Variants in GALNT18 observed in about 807,000 individuals in gnomAD.
The protein encoded by GALNT18 is GalNAc-transferase 18.
Under a neutral mutation model 69.5 loss-of-function variants are expected in GALNT18, and 44 were observed. The ratio of observed to expected loss-of-function variants is 0.63; its 90% CI spans 0.50 to 0.81. The LOEUF is 0.81. Ranked by LOEUF, GALNT18 falls within the 40% of genes least tolerant of loss-of-function variation. The pLI is 0.00. For synonymous variants in GALNT18, 364 were observed against 318.2 expected, an observed-to-expected ratio of 1.14 and a Z score of -1.53; for missense variants, 715 against 810.0, an observed-to-expected ratio of 0.88 and a Z score of 1.42.
Position 11,598,745 on chromosome 11 carries a change from C to T in GALNT18, c.235+22614G>A, listed in dbSNP as rs552135805. Among the ~76,000 whole-genome samples, 1 of 152,174 alleles carries T rather than the reference C, an allele frequency of 6.6e-6. No homozygotes were observed. Among genetic ancestry groups the T allele is most frequent in the Non-Finnish European group, 1.5e-5 (1 of 67,994 alleles). ...TAGACATTTATAGTTATACATTTCC[C>T]TTTAAATACTACTTTATCTGCATAA... On this transcript the variant is annotated intron_variant, in intron 1 of 10. Coordinates refer to ENST00000227756, the MANE Select transcript of GALNT18 (RefSeq NM_198516.3). The surrounding 1 kb of genome is among the most constrained non-coding windows in gnomAD (Gnocchi z 4.8).
chr11:11,621,454 G>T lies in GALNT18; in HGVS notation c.140C>A (p.Ala47Glu), dbSNP rs779138760. 6.2e-7 allele frequency: 1 copy of T among 1,614,122 alleles called. No homozygotes were observed. Among genetic ancestry groups the T allele is most frequent in the Non-Finnish European group, 8.5e-7 (1 of 1,180,016 alleles). Residue 47 changes from alanine (A) to glutamate (E), a missense_variant, in exon 1 of 11, where the codon GCG (alanine) becomes GAG (glutamate). By Grantham distance (107) the Ala-to-Glu change is moderately radical. Transcript: ENST00000227756. The surrounding 1 kb of genome is among the most constrained non-coding windows in gnomAD (Gnocchi z 9.3). ...ASVYVRGQEP[A>E]PDKKLEEDKG... is the part of the protein sequence containing the mutation. ...GTCTTCCTCCAGCTTCTTGTCGGGC[G>T]CCGGCTCCTGCCCCCGCACATACAC...
Position 11,421,190 on chromosome 11 carries a change from G to C in GALNT18, c.595+11431C>G, listed in dbSNP as rs918959822. 6.1e-5 allele frequency among the ~76,000 whole-genome samples: 9 copies of C among 148,378 alleles called. No individual in the cohort carries two copies. Among genetic ancestry groups the C allele is most frequent in the Non-Finnish European group, 7.4e-5 (5 of 67,706 alleles). On this transcript the variant is annotated intron_variant, in intron 3 of 10. Coordinates refer to ENST00000227756, the MANE Select transcript of GALNT18 (RefSeq NM_198516.3). The surrounding 1 kb of genome is among the most constrained non-coding windows in gnomAD (Gnocchi z 5.6). ...GCTACCCACACCACTGCCAGGCTCAGGCAGCTTCAGCGGTGCAGCATGTTG... is the reference window on the plus strand; with the variant it reads ...GCTACCCACACCACTGCCAGGCTCACGCAGCTTCAGCGGTGCAGCATGTTG...
chr11:11,438,056 C>A, intron 2 of GALNT18, among the ~76,000 whole-genome samples: 1 of 152,206 alleles, frequency 6.6e-6, no homozygotes, highest in Admixed American at 6.5e-5. Flanking sequence ...GGGACATACA[C>A]CCAGGGAGAG....
At chr11:11,508,126 A>G (rs1281461684) in intron 1 of GALNT18, among the ~76,000 whole-genome samples, 1 of 152,230 alleles carries the variant, frequency 6.6e-6, no homozygotes, top group African/African-American at 2.4e-5. Flanking sequence ...TGTCCTTTAT[A>G]GCTCTTTGTT....
chr11:11,453,733 C>T (rs576077072), intron 1 of GALNT18, among the ~76,000 whole-genome samples: 59 of 152,300 alleles, frequency 3.9e-4, no homozygotes, highest in Admixed American at 1.1e-3. Flanking sequence ...TCCCTGCACA[C>T]GCTCTCTTCC....
At chr11:11,466,649 G>T (rs901887735) in intron 1 of GALNT18, among the ~76,000 whole-genome samples, 2 of 152,186 alleles carry the variant, frequency 1.3e-5, no homozygotes, top group Admixed American at 1.3e-4. Context: ...ACCCTTTAAA[G>T]AAAGGGTCTG....
intron 3 of GALNT18, among the ~76,000 whole-genome samples, chr11:11,395,234 G>A (rs527933330): frequency 6.6e-6 from 1 of 152,296 alleles, no homozygotes; most frequent in African/African-American, 2.4e-5. Context: ...TTACAATGCT[G>A]CTGGCCCAAG....
chr11:11,292,939 C>A (rs1198137548), intron 10 of GALNT18, 90 bp downstream of exon 10: 1 of 1,205,192 alleles, frequency 8.3e-7, no homozygotes, highest in African/African-American at 1.6e-5. Context: ...CTTCCCCTTC[C>A]CCTCTCCTCC....
At chr11:11,478,268 A>G (rs1856444943) in intron 1 of GALNT18, among the ~76,000 whole-genome samples, 1 of 152,238 alleles carries the variant, frequency 6.6e-6, no homozygotes. Flanking sequence ...TTCAACCTAG[A>G]GTTCTAAAGC....
intron 10 of GALNT18, among the ~76,000 whole-genome samples, chr11:11,273,720 A>G (rs1437449853): frequency 1.3e-5 from 2 of 152,230 alleles, no homozygotes; most frequent in African/African-American, 4.8e-5. Context: ...GGAAACCAGC[A>G]TATTGAAGAG....
At chr11:11,355,502 T>C (rs1850511767) in intron 6 of GALNT18, among the ~76,000 whole-genome samples, 1 of 152,240 alleles carries the variant, frequency 6.6e-6, no homozygotes, top group South Asian at 2.1e-4. Context: ...CCACTGTTAT[T>C]AGTAGCACCC....
In GALNT18 at chr11:11,494,360, C is replaced by G. The variant is rs1320811800; in HGVS notation, c.236-45424G>C. Among the ~76,000 whole-genome samples, 1 of 152,184 alleles carries G rather than the reference C, an allele frequency of 6.6e-6. No homozygotes were observed. Among genetic ancestry groups the G allele is most frequent in the Non-Finnish European group, 1.5e-5 (1 of 68,040 alleles). On this transcript the variant is annotated intron_variant, in intron 1 of 10. Transcript: ENST00000227756. This position sits in a 1 kb window ranked among gnomAD's most constrained non-coding sequence, Gnocchi z 5.7. The stretch of plus-strand genomic sequence containing the variant: ...CCCATGTGACCCTGAGAGCCTGCTT[C>G]CCCAGTCTATATTTGCCAGTGGCCA...
In GALNT18 at chr11:11,543,843, G is replaced by A. The variant is rs368657060; in HGVS notation, c.235+77516C>T. On this transcript the variant is annotated intron_variant, in intron 1 of 10. Coordinates refer to ENST00000227756, the MANE Select transcript of GALNT18 (RefSeq NM_198516.3). The surrounding 1 kb of genome is among the most constrained non-coding windows in gnomAD (Gnocchi z 5.1). ...TCCCATTTCTTCTTCTGGCGCTCTGGGCTCCAATGGCTTCTGGTAATATTT... is the reference window on the plus strand; with the variant it reads ...TCCCATTTCTTCTTCTGGCGCTCTGAGCTCCAATGGCTTCTGGTAATATTT... Among the ~76,000 whole-genome samples the A allele has an allele frequency of 8.1e-4, 123 of 152,262 alleles. No homozygotes were observed. Among genetic ancestry groups the A allele is most frequent in the Middle Eastern group, 3.4e-3 (1 of 294 alleles).
Position 11,470,815 on chromosome 11 carries a change from A to G in GALNT18, c.236-21879T>C, listed in dbSNP as rs1856250819. On this transcript the variant is annotated intron_variant, in intron 1 of 10. Coordinates refer to ENST00000227756, the MANE Select transcript of GALNT18 (RefSeq NM_198516.3). This position sits in a 1 kb window ranked among gnomAD's most constrained non-coding sequence, Gnocchi z 4.8. ...GGAAGTCAGGTACCATGGTGTCTCC[A>G]TGCTGCATTCTTAGCCTCTGACCAT... is the stretch of plus-strand genomic sequence containing the variant. Among the ~76,000 whole-genome samples the G allele has an allele frequency of 6.6e-6, 1 of 152,106 alleles. No individual in the cohort carries two copies. Among genetic ancestry groups the G allele is most frequent in the African/African-American group, 2.4e-5 (1 of 41,420 alleles).
At chr11:11,288,259 C>T (rs1849229602) in intron 10 of GALNT18, among the ~76,000 whole-genome samples, 2 of 152,174 alleles carry the variant, frequency 1.3e-5, no homozygotes, top group Non-Finnish European at 2.9e-5. Context: ...CCATCAAAAA[C>T]TCTAAATTCT....
At chr11:11,431,943 G>A (rs1029387201) in intron 3 of GALNT18, among the ~76,000 whole-genome samples, 1 of 152,208 alleles carries the variant, frequency 6.6e-6, no homozygotes, top group African/African-American at 2.4e-5. Flanking sequence ...TGGCATATGG[G>A]GGGGCAAAGA....
intron 6 of GALNT18, among the ~76,000 whole-genome samples, chr11:11,358,031 T>C (rs1230485416): frequency 2.0e-5 from 3 of 152,214 alleles, no homozygotes; most frequent in Non-Finnish European, 4.4e-5. Context: ...CCTATCTTTC[T>C]GGCTGATTCT....
In GALNT18 at chr11:11,583,223, C is replaced by T. The variant is rs1169248024; in HGVS notation, c.235+38136G>A. 6.6e-6 allele frequency among the ~76,000 whole-genome samples: 1 copy of T among 152,198 alleles called. No homozygotes were observed. The highest frequency in any genetic ancestry group is 1.9e-4 in the East Asian group (1 of 5,194). On this transcript the variant is annotated intron_variant, in intron 1 of 10. Coordinates refer to ENST00000227756, the MANE Select transcript of GALNT18 (RefSeq NM_198516.3). The surrounding 1 kb of genome is among the most constrained non-coding windows in gnomAD (Gnocchi z 4.7). ...TGGTCAGGGAACACAAAGCCAATTC[C>T]ACCCTGGTCTCCTATTTCTGGCAAG...
chr11:11,294,593 G>C (rs527662124), intron 9 of GALNT18, among the ~76,000 whole-genome samples: 9 of 128,988 alleles, frequency 7.0e-5, no homozygotes, highest in African/African-American at 2.4e-4. Flanking sequence ...TCCTACTGTA[G>C]TGCAAACACA....
Sources: allele counts gnomAD v4.1 joint callset (sites outside exome capture counted in the v4.1 genomes callset), GRCh38; gene constraint gnomAD v4.1.1; non-coding constraint Gnocchi (gnomAD v3.1); transcripts MANE v1.5; gene names NCBI Gene and HGNC (gene_info 2026-07-23, HGNC 2026-07-21).